DNAJC18: variants seen among roughly 807,000 people sequenced by gnomAD.
DNAJC18 encodes the protein dnaJ homolog subfamily C member 18.
Under a neutral mutation model 48.6 loss-of-function variants are expected in DNAJC18, and 40 were observed. The observed-to-expected ratio is 0.82, with a 90% CI of 0.64 to 1.07. The LOEUF (loss-of-function observed/expected upper bound fraction) is 1.07. Ranked by LOEUF, DNAJC18 falls within the 50% of genes least tolerant of loss-of-function variation. DNAJC18 has a pLI of 0.00. For synonymous variants in DNAJC18, 135 were observed against 152.2 expected, an observed-to-expected ratio of 0.89 and a Z score of 0.83; for missense variants, 340 against 427.7, an observed-to-expected ratio of 0.79 and a Z score of 1.81.
rs767081955 is a variant in DNAJC18, at chr5:139,426,174, G to A, written c.557C>T (p.Thr186Ile). 1.9e-6 allele frequency: 3 copies of A among 1,613,520 alleles called. No individual in the cohort carries two copies. Among genetic ancestry groups the A allele is most frequent in the Non-Finnish European group, 2.5e-6 (3 of 1,179,804 alleles). ...FNVFFGGHFP[T>I]GNIHMFSNVT... ...AATGATAATTTGGGGAGACTAACCT[G>A]TAGGAAAATGTCCTCCAAAGAAGAC... The change falls in exon 4 of 8, where the codon ACA becomes ATA. Residue 186 changes from threonine (T) to isoleucine (I), a missense_variant and splice_region_variant. Thr to Ile is a moderately conservative substitution (Grantham distance 89). Transcript: ENST00000302060.
In DNAJC18 at chr5:139,438,055, G is replaced by A. The variant is rs376444802; in HGVS notation, c.41-497C>T. 4.6e-5 allele frequency among the ~76,000 whole-genome samples: 7 copies of A among 152,310 alleles called. No homozygotes were observed. The East Asian group carries it at 1.2e-3, about 25-fold the overall frequency. On this transcript the variant is annotated intron_variant, in intron 1 of 7. Transcript: ENST00000302060. Reference sequence around the variant, plus strand: ...ATGAGGGCCGGGCGCGGTGGCTCACGCCTGTAATCCCAGCACTTTGGGAGG... The same window carrying A: ...ATGAGGGCCGGGCGCGGTGGCTCACACCTGTAATCCCAGCACTTTGGGAGG...
chr5:139,437,493 A>T lies in DNAJC18; in HGVS notation c.106T>A (p.Cys36Ser). 1 of 1,614,142 alleles carries T rather than the reference A, an allele frequency of 6.2e-7. No individual in the cohort carries two copies. Among genetic ancestry groups the T allele is most frequent in the Admixed American group, 1.7e-5 (1 of 60,006 alleles). The change falls in exon 2 of 8, where the codon TGT becomes AGT. Residue 36 changes from cysteine (C) to serine (S), a missense_variant. Coordinates refer to ENST00000302060, the MANE Select transcript of DNAJC18 (RefSeq NM_152686.4). ...GCCTTCATGCAGTTACAGCAGCCAC[A>T]GGGGTCATGACTCTCAGGAGGTGTG... is the stretch of plus-strand genomic sequence containing the variant. Reference protein sequence around the residue: ...EDTPPESHDPCGCCNCMKAQK... With the variant: ...EDTPPESHDPSGCCNCMKAQK...
chr5:139,438,856 ACT>A (rs1256865045), intron 1 of DNAJC18, among the ~76,000 whole-genome samples: 7 of 150,774 alleles, frequency 4.6e-5, no homozygotes, highest in Non-Finnish European at 1.0e-4. Flanking sequence ...CAGTCGTCAA[ACT>A]CTCTCAGTGG....
intron 6 of DNAJC18, among the ~76,000 whole-genome samples, chr5:139,420,943 T>C (rs1348855524): frequency 6.6e-6 from 1 of 152,208 alleles, no homozygotes; most frequent in African/African-American, 2.4e-5. Context: ...TATATTTTAT[T>C]TGGCCTTTTT....
intron 6 of DNAJC18, among the ~76,000 whole-genome samples, chr5:139,420,679 T>C (rs1475035912): frequency 6.6e-6 from 1 of 151,434 alleles, no homozygotes; most frequent in African/African-American, 2.4e-5. Flanking sequence ...TTGGACATGA[T>C]AAAAAGTACT....
intron 2 of DNAJC18, among the ~76,000 whole-genome samples, chr5:139,432,641 G>T (rs577864138): frequency 3.5e-4 from 54 of 152,234 alleles, no homozygotes; most frequent in African/African-American, 1.2e-3. Flanking sequence ...TAATCCAAAA[G>T]AACTTTTTAA....
At chr5:139,418,532 T>C (rs561157484) in intron 7 of DNAJC18, among the ~76,000 whole-genome samples, 1 of 152,334 alleles carries the variant, frequency 6.6e-6, no homozygotes, top group African/African-American at 2.4e-5. Context: ...AGCAATGGGG[T>C]AGAGTATTTC....
At chr5:139,416,789 C>T (rs997151465) in intron 7 of DNAJC18, among the ~76,000 whole-genome samples, 4 of 152,238 alleles carry the variant, frequency 2.6e-5, no homozygotes, top group Non-Finnish European at 4.4e-5. Context: ...CCAGCCCAGC[C>T]TAGTGGTGTG....
chr5:139,412,020 C>A lies in DNAJC18; in HGVS notation c.*2128G>T, dbSNP rs1759001987. Reference sequence around the variant, plus strand: ...GGGATCAAGAAGGGCCCCCTAAAACCAGGAGGACAGATCTAGTTGGGCAGC... The same window carrying A: ...GGGATCAAGAAGGGCCCCCTAAAACAAGGAGGACAGATCTAGTTGGGCAGC... On this transcript the variant is annotated 3_prime_UTR_variant, in exon 8 of 8. Coordinates refer to ENST00000302060, the MANE Select transcript of DNAJC18 (RefSeq NM_152686.4). 6.6e-6 allele frequency: 1 copy of A among 152,132 alleles called. No individual in the cohort carries two copies. The highest frequency in any genetic ancestry group is 2.4e-5 in the African/African-American group (1 of 41,434). 9.4% of individuals were successfully genotyped at this position (152,132 alleles called of 1,614,324 possible). A position where few individuals can be genotyped will look rare whatever the true frequency, so the allele number is the denominator to read the frequency against.
chr5:139,437,102 G>A (rs1327862951), intron 2 of DNAJC18, among the ~76,000 whole-genome samples: 3 of 152,124 alleles, frequency 2.0e-5, no homozygotes, highest in Non-Finnish European at 4.4e-5. Context: ...GAAGAAAATC[G>A]TTCTGTTGTT....
chr5:139,432,473 AT>A (rs934959652), intron 2 of DNAJC18, among the ~76,000 whole-genome samples: 7 of 148,800 alleles, frequency 4.7e-5, no homozygotes, highest in African/African-American at 1.2e-4. Context: ...ACAGAACTTT[AT>A]TTTTTTTTAG....
intron 7 of DNAJC18, among the ~76,000 whole-genome samples, chr5:139,419,539 C>T (rs1759119641): frequency 6.6e-6 from 1 of 152,226 alleles, no homozygotes; most frequent in African/African-American, 2.4e-5. Flanking sequence ...GTTAGGCTGG[C>T]TCGATCAGAT....
intron 2 of DNAJC18, 74 bp from the exon 3 acceptor site, chr5:139,428,757 C>T: frequency 6.7e-7 from 1 of 1,500,316 alleles, no homozygotes; most frequent in Non-Finnish European, 8.9e-7. Context: ...ATACATCGAT[C>T]CTACCTCCAA....
chr5:139,415,626 G>A (rs868495633), intron 7 of DNAJC18, among the ~76,000 whole-genome samples: 1 of 152,338 alleles, frequency 6.6e-6, no homozygotes, highest in East Asian at 1.9e-4. Flanking sequence ...GTGATGGGGC[G>A]TCATGGAGGA....
In DNAJC18 at chr5:139,412,494, C is replaced by A. The variant is rs1335767954; in HGVS notation, c.*1654G>T. The A allele has an allele frequency of 2.7e-6, 1 of 372,542 alleles. No homozygotes were observed. Among genetic ancestry groups the A allele is most frequent in the Non-Finnish European group, 4.8e-6 (1 of 210,412 alleles). The allele number at this position is 372,542 out of a possible 1,614,324, so 23.1% of individuals were successfully genotyped here. ...CAGGCTGGTCTTGAACTCCTGACCT[C>A]AGGTGATCCACCTGCCACAGCCTCC... On this transcript the variant is annotated 3_prime_UTR_variant, in exon 8 of 8. Coordinates refer to ENST00000302060, the MANE Select transcript of DNAJC18 (RefSeq NM_152686.4).
chr5:139,424,529 A>C lies in DNAJC18; in HGVS notation c.669+476T>G, dbSNP rs1275314332. On this transcript the variant is annotated intron_variant, in intron 5 of 7. Coordinates refer to ENST00000302060, the MANE Select transcript of DNAJC18 (RefSeq NM_152686.4). ...GATCACTTGAGCCCAGGAGTTTGTG[A>C]CCAGCCTGGGAAACATGGTGAGAAA... Among the ~76,000 whole-genome samples, 5 of 151,916 alleles carry C rather than the reference A, an allele frequency of 3.3e-5. No homozygotes were observed. In the East Asian group the frequency reaches 7.7e-4, roughly 24 times the overall value.
At chr5:139,430,510 TTAAA>T (rs760734202) in intron 2 of DNAJC18, among the ~76,000 whole-genome samples, 1 of 152,176 alleles carries the variant, frequency 6.6e-6, no homozygotes, top group Non-Finnish European at 1.5e-5. Flanking sequence ...GATATTGTGA[TTAAA>T]TAAAGTCTTC....
chr5:139,437,642 C>T (rs1186343895), intron 1 of DNAJC18, 84 bp from the exon 2 acceptor site: 4 of 1,482,790 alleles, frequency 2.7e-6, no homozygotes, highest in Non-Finnish European at 3.6e-6. Context: ...TGGGAGGCTG[C>T]TCGTAAGCAT....
In DNAJC18 at chr5:139,424,966, A is replaced by G. The variant is rs548934063; in HGVS notation, c.669+39T>C. ...GTACCATCAAGGTTGGCCAAGTACAACTGTTTATGGGCAGCAGTGCTCCTC... is the reference window on the plus strand; with the variant it reads ...GTACCATCAAGGTTGGCCAAGTACAGCTGTTTATGGGCAGCAGTGCTCCTC... On this transcript the variant is annotated intron_variant, in intron 5 of 7. Transcript: ENST00000302060. 1.5e-5 allele frequency: 23 copies of G among 1,571,328 alleles called. No homozygotes were observed. In the East Asian group the frequency reaches 4.7e-4, roughly 32 times the overall value.
Sources: allele counts gnomAD v4.1 joint callset (sites outside exome capture counted in the v4.1 genomes callset), GRCh38; gene constraint gnomAD v4.1.1; transcripts MANE v1.5; gene names NCBI Gene and HGNC (gene_info 2026-07-23, HGNC 2026-07-21).